ARHGAP22: variants seen among roughly 807,000 people sequenced by gnomAD.
ARHGAP22 encodes rho GTPase-activating protein 22.
In ARHGAP22, 48 loss-of-function variants were observed where a neutral mutation model predicts 59.1. The ratio of observed to expected loss-of-function variants is 0.81; its 90% CI spans 0.64 to 1.03. ARHGAP22 has a LOEUF of 1.03. ARHGAP22 is among the 50% of genes least tolerant of loss of function. ARHGAP22 has a pLI of 0.00. For synonymous variants in ARHGAP22, 445 were observed against 416.4 expected (o/e 1.07, Z -0.84); for missense variants, 1,015 against 958.7 (o/e 1.06, Z -0.78).
chr10:48,623,127 C>T (rs2061338588), intron 1 of ARHGAP22, among the ~76,000 whole-genome samples: 1 of 152,222 alleles, frequency 6.6e-6, no homozygotes, highest in Non-Finnish European at 1.5e-5. Context: ...GCGGACATAG[C>T]CATCAGCTCT....
intron 4 of ARHGAP22, among the ~76,000 whole-genome samples, chr10:48,471,361 C>T (rs1369051880): frequency 6.6e-6 from 1 of 152,254 alleles, no homozygotes; most frequent in African/African-American, 2.4e-5. Context: ...TGCGCTGCCA[C>T]TGGTAAGGTT....
intron 6 of ARHGAP22, 110 bp downstream of exon 6, chr10:48,454,892 A>G: frequency 9.2e-7 from 1 of 1,089,450 alleles, no homozygotes; most frequent in African/African-American, 1.7e-5. Context: ...AGGCCTCCAC[A>G]GGATCCATGT....
At chr10:48,483,185 A>T (rs2049498465) in intron 3 of ARHGAP22, among the ~76,000 whole-genome samples, 1 of 152,144 alleles carries the variant, frequency 6.6e-6, no homozygotes, top group South Asian at 2.1e-4. Flanking sequence ...ACTGATGGAC[A>T]CGTAGGTTGA....
chr10:48,556,365 G>A (rs1288685906), intron 2 of ARHGAP22, among the ~76,000 whole-genome samples: 1 of 152,168 alleles, frequency 6.6e-6, no homozygotes, highest in African/African-American at 2.4e-5. Flanking sequence ...TAACCGCTGT[G>A]ATTGACCCTT....
intron 3 of ARHGAP22, chr10:48,532,549 CG>C (rs2054948827): frequency 6.6e-6 from 1 of 152,006 alleles, no homozygotes; most frequent in African/African-American, 2.4e-5. Context: ...AGGTTTGTTA[CG>C]TATGTATACA....
intron 3 of ARHGAP22, among the ~76,000 whole-genome samples, chr10:48,530,190 T>C (rs552971612): frequency 2.2e-5 from 3 of 135,222 alleles, no homozygotes; most frequent in South Asian, 4.9e-4. Flanking sequence ...TGAGCCAAGA[T>C]TGCACCACTG....
intron 3 of ARHGAP22, among the ~76,000 whole-genome samples, chr10:48,534,738 T>C (rs1333276592): frequency 6.6e-6 from 1 of 152,218 alleles, no homozygotes; most frequent in African/African-American, 2.4e-5. Flanking sequence ...TTTATGTGGG[T>C]TCCAAATAGT....
At chr10:48,489,530 C>T (rs1311715761) in intron 3 of ARHGAP22, among the ~76,000 whole-genome samples, 1 of 152,196 alleles carries the variant, frequency 6.6e-6, no homozygotes, top group Non-Finnish European at 1.5e-5. Context: ...TGACCTTCTT[C>T]TCTGTAACTT....
intron 1 of ARHGAP22, among the ~76,000 whole-genome samples, chr10:48,622,420 TTTA>T (rs888204974): frequency 1.3e-5 from 2 of 152,178 alleles, no homozygotes; most frequent in African/African-American, 4.8e-5. Flanking sequence ...TCTTTTTGCT[TTTA>T]TTATTATTTT....
chr10:48,602,618 A>C, intron 1 of ARHGAP22, among the ~76,000 whole-genome samples: 1 of 152,172 alleles, frequency 6.6e-6, no homozygotes, highest in East Asian at 1.9e-4. Flanking sequence ...TTTCTCCTCT[A>C]TCCAGCTATT....
intron 2 of ARHGAP22, among the ~76,000 whole-genome samples, chr10:48,573,514 A>T (rs987960942): frequency 2.0e-5 from 3 of 152,188 alleles, no homozygotes; most frequent in African/African-American, 7.2e-5. Flanking sequence ...CAAGAAAGGG[A>T]GTGAAGACCA....
chr10:48,558,580 T>C (rs1020599404), intron 2 of ARHGAP22, among the ~76,000 whole-genome samples: 2 of 152,146 alleles, frequency 1.3e-5, no homozygotes, highest in Non-Finnish European at 2.9e-5. Context: ...TTCCCCATGC[T>C]GGTCTCGATT....
chr10:48,654,951 CTCTT>C (rs931849906), upstream of ARHGAP22, among the ~76,000 whole-genome samples: 1 of 89,476 alleles, frequency 1.1e-5, no homozygotes, highest in Non-Finnish European at 2.4e-5. Flanking sequence ...CTTTCTTTCT[CTCTT>C]TCTCCTTCCT....
chr10:48,481,448 T>C (rs1315533204), intron 3 of ARHGAP22, among the ~76,000 whole-genome samples: 1 of 152,110 alleles, frequency 6.6e-6, no homozygotes, highest in Non-Finnish European at 1.5e-5. Flanking sequence ...CTCCAGGAAT[T>C]TGTGGTTACT....
intron 1 of ARHGAP22, among the ~76,000 whole-genome samples, chr10:48,598,481 T>C (rs2060199199): frequency 6.6e-6 from 1 of 152,046 alleles, no homozygotes; most frequent in Non-Finnish European, 1.5e-5. Flanking sequence ...GGGAAGAGTG[T>C]CTGGAAGCAG....
intron 1 of ARHGAP22, among the ~76,000 whole-genome samples, chr10:48,629,755 G>C (rs548093135): frequency 4.2e-4 from 64 of 152,282 alleles, no homozygotes; most frequent in African/African-American, 1.4e-3. Context: ...GATTTTGATT[G>C]AGAATTCACT....
intron 2 of ARHGAP22, among the ~76,000 whole-genome samples, chr10:48,557,680 G>C (rs1193973376): frequency 1.3e-5 from 2 of 152,202 alleles, no homozygotes; most frequent in Non-Finnish European, 2.9e-5. Flanking sequence ...TTTGCAAGAA[G>C]CCACCGTGGA....
intron 3 of ARHGAP22, among the ~76,000 whole-genome samples, chr10:48,498,250 GGACCAC>G (rs1255017643): frequency 1.3e-5 from 2 of 152,214 alleles, no homozygotes; most frequent in East Asian, 1.9e-4. Context: ...ATCCCTGCAG[GGACCAC>G]GGCAGCCACA....
At chr10:48,608,331 G>A (rs189245079), upstream of ARHGAP22, among the ~76,000 whole-genome samples, 261 of 152,344 alleles carry the variant, frequency 1.7e-3, no homozygotes, top group Admixed American at 3.1e-3. Context: ...GTCCAGTAGA[G>A]GGAGGTAAGG....
Sources: allele counts gnomAD v4.1 joint callset (sites outside exome capture counted in the v4.1 genomes callset), GRCh38; gene constraint gnomAD v4.1.1; transcripts MANE v1.5; gene names NCBI Gene and HGNC (gene_info 2026-07-23, HGNC 2026-07-21).